Variants in TACC1 observed in about 807,000 individuals in gnomAD.
TACC1 encodes transforming acidic coiled-coil-containing protein 1.
TACC1 carries 48 observed loss-of-function variants against 84.4 expected under a neutral mutation model. That is an observed-to-expected ratio of 0.57 (90% confidence interval 0.45 to 0.72). The LOEUF is 0.72. Ranked by LOEUF, TACC1 falls within the 30% of genes least tolerant of loss-of-function variation. The pLI is 0.00. For missense variants in TACC1, 920 were observed against 973.0 expected (o/e 0.95, Z 0.72); for synonymous variants, 372 against 376.3 (o/e 0.99, Z 0.13).
chr8:38,755,034 C>T (rs1411729931), intron 3 of TACC1, among the ~76,000 whole-genome samples: 1 of 152,028 alleles, frequency 6.6e-6, no homozygotes, highest in African/African-American at 2.4e-5. Context: ...ATGGTGCGCG[C>T]CTGTAGTCAC....
Position 38,838,930 on chromosome 8 carries a change from T to A in TACC1, c.1916+384T>A, listed in dbSNP as rs141281641. On this transcript the variant is annotated intron_variant, in intron 8 of 12. Coordinates refer to ENST00000317827, the MANE Select transcript of TACC1 (RefSeq NM_006283.3). ...TTTTTTTTTTGAGGCAGGGTCTCAC[T>A]CTGTCATCCAGGCTGGAGTGCAGTG... Among the ~76,000 whole-genome samples the A allele has an allele frequency of 2.4e-3, 358 of 152,116 alleles. 2 individuals carry two copies. Among genetic ancestry groups the A allele is most frequent in the African/African-American group, 8.0e-3 (332 of 41,476 alleles).
At chr8:38,844,621 A>ATT (rs1312443612) in intron 11 of TACC1, among the ~76,000 whole-genome samples, 2 of 152,112 alleles carry the variant, frequency 1.3e-5, no homozygotes, top group South Asian at 4.1e-4. Flanking sequence ...CATTTTATAG[A>ATT]TTTTATATAT....
intron 3 of TACC1, among the ~76,000 whole-genome samples, chr8:38,767,402 G>A (rs1367305326): frequency 2.0e-5 from 3 of 152,234 alleles, no homozygotes; most frequent in African/African-American, 7.2e-5. Flanking sequence ...CACAGGTCAA[G>A]TCCTTATAAC....
chr8:38,804,047 T>C (rs1469940713), intron 2 of TACC1, among the ~76,000 whole-genome samples: 1 of 152,228 alleles, frequency 6.6e-6, no homozygotes, highest in African/African-American at 2.4e-5. Context: ...AGCTTACAGT[T>C]ACTTATAGTA....
chr8:38,762,903 T>C (rs1445726941), intron 3 of TACC1, among the ~76,000 whole-genome samples: 1 of 152,146 alleles, frequency 6.6e-6, no homozygotes, highest in African/African-American at 2.4e-5. Flanking sequence ...TACAAGTACG[T>C]GTGAGTCCCT....
In TACC1 at chr8:38,820,236, T is replaced by C. The variant is rs754813076; in HGVS notation, c.992T>C (p.Ile331Thr). Reference sequence around the variant, plus strand: ...GATTTCACAGAAGATACAGGAAACATAGAGGCCAGGAAAGCCCTTCCAAGG... The same window carrying C: ...GATTTCACAGAAGATACAGGAAACACAGAGGCCAGGAAAGCCCTTCCAAGG... ...EFDFTEDTGN[I>T]EARKALPRKL... is the part of the protein sequence containing the mutation. The change falls in exon 3 of 13, where the codon ATA becomes ACA. Residue 331 changes from isoleucine (I) to threonine (T), a missense_variant. Ile to Thr is a moderately conservative substitution (Grantham distance 89, BLOSUM62 -1). Around this residue, in one of 2 missense-constraint regions of TACC1, gnomAD observed 762 missense variants for 747.3 expected, o/e 1.02. Coordinates refer to ENST00000317827, the MANE Select transcript of TACC1 (RefSeq NM_006283.3). 4.6e-5 allele frequency: 74 copies of C among 1,613,880 alleles called. No homozygotes were observed. The highest frequency in any genetic ancestry group is 5.7e-5 in the Non-Finnish European group (67 of 1,180,008).
upstream of TACC1, among the ~76,000 whole-genome samples, chr8:38,786,875 C>T (rs1293666043): frequency 1.3e-5 from 2 of 151,826 alleles, no homozygotes; most frequent in African/African-American, 2.4e-5. Flanking sequence ...TCCAATATCA[C>T]CATCGCCGTG....
chr8:38,842,078 C>T (rs553599352), intron 9 of TACC1, among the ~76,000 whole-genome samples: 1 of 151,980 alleles, frequency 6.6e-6, no homozygotes, highest in Non-Finnish European at 1.5e-5. Flanking sequence ...CAGTAACAGC[C>T]CCCTCCCCGC....
chr8:38,735,879 T>C (rs1340864468), intron 1 of TACC1, among the ~76,000 whole-genome samples: 1 of 152,136 alleles, frequency 6.6e-6, no homozygotes, highest in Non-Finnish European at 1.5e-5. Context: ...GTCCCTGAAA[T>C]TTAGGAAGAG....
chr8:38,764,806 A>G, intron 3 of TACC1, among the ~76,000 whole-genome samples: 1 of 152,108 alleles, frequency 6.6e-6, no homozygotes, highest in East Asian at 1.9e-4. Context: ...CATTTAAAAA[A>G]TTTAGTATCA....
At chr8:38,821,727 A>G (rs1826859803) in intron 3 of TACC1, among the ~76,000 whole-genome samples, 1 of 152,240 alleles carries the variant, frequency 6.6e-6, no homozygotes, top group Non-Finnish European at 1.5e-5. Flanking sequence ...ACTTTATCAC[A>G]AAACTTGAGT....
intron 1 of TACC1, among the ~76,000 whole-genome samples, chr8:38,733,354 A>C (rs966865869): frequency 6.6e-6 from 1 of 150,896 alleles, no homozygotes; most frequent in African/African-American, 2.4e-5. Flanking sequence ...CTTGATGTTT[A>C]GCAAACTGTT....
At chr8:38,811,677 C>A (rs556017070) in intron 2 of TACC1, among the ~76,000 whole-genome samples, 4 of 152,282 alleles carry the variant, frequency 2.6e-5, no homozygotes, top group African/African-American at 9.6e-5. Flanking sequence ...TCTTCGTAAG[C>A]TGAGGATGTA....
upstream of TACC1, chr8:38,787,088 G>C: frequency 1.0e-6 from 1 of 968,972 alleles, no homozygotes; most frequent in Non-Finnish European, 1.2e-6. Context: ...CGCCGCGGTA[G>C]GGGGATCCGG....
intron 3 of TACC1, among the ~76,000 whole-genome samples, chr8:38,755,846 C>T (rs1809932774): frequency 1.3e-5 from 2 of 151,358 alleles, no homozygotes; most frequent in African/African-American, 4.9e-5. Flanking sequence ...TGAAGTTGTG[C>T]TCTTGTTGCC....
chr8:38,796,219 G>A (rs1044448589), intron 2 of TACC1, among the ~76,000 whole-genome samples: 4 of 152,192 alleles, frequency 2.6e-5, no homozygotes, highest in African/African-American at 9.7e-5. Flanking sequence ...TTGGGAAATT[G>A]AGGCCAGAGC....
chr8:38,761,452 A>T (rs189917596), intron 3 of TACC1, among the ~76,000 whole-genome samples: 3 of 152,224 alleles, frequency 2.0e-5, no homozygotes, highest in Non-Finnish European at 4.4e-5. Context: ...TGATTTTGCC[A>T]TGTGAATTTC....
rs139176772 is a variant in TACC1, at chr8:38,822,245, T to TAA, written c.1391+1630_1391+1631dup. On this transcript the variant is annotated intron_variant, in intron 3 of 12. Transcript: ENST00000317827. Reference sequence around the variant, plus strand: ...GGCTGGCAGAGCAAGACCCTGTCTTTAAAAAAAAAAAAAAAAAAAAACTAC... The same window carrying TAA: ...GGCTGGCAGAGCAAGACCCTGTCTTTAAAAAAAAAAAAAAAAAAAAAAACTAC... 6.3e-3 allele frequency among the ~76,000 whole-genome samples: 744 copies of TAA among 118,874 alleles called. 3 individuals carry two copies. The highest frequency in any genetic ancestry group is 0.011 in the Admixed American group (124 of 11,116). The allele number at this position is 118,874 out of a possible 152,430, so 78.0% of individuals were successfully genotyped here. A position where few individuals can be genotyped will look rare whatever the true frequency, so the allele number is the denominator to read the frequency against.
intron 2 of TACC1, among the ~76,000 whole-genome samples, chr8:38,742,871 C>T (rs1807343024): frequency 6.6e-6 from 1 of 152,126 alleles, no homozygotes; most frequent in Admixed American, 6.5e-5. Context: ...AGCACCACCG[C>T]AACTGGCTAA....
Sources: gnomAD v4.1 joint callset for allele counts (sites outside exome capture counted in the v4.1 genomes callset) on GRCh38, gnomAD v4.1.1 for gene constraint, gnomAD v4.1.1 regional missense constraint, MANE v1.5 for transcripts, NCBI Gene and HGNC (gene_info 2026-07-23, HGNC 2026-07-21) for gene names.